Variants in ACYP1 observed in about 807,000 individuals in gnomAD.
The protein encoded by ACYP1 is acylphosphatase 1.
ACYP1 carries 8 observed loss-of-function variants against 10.4 expected under a neutral mutation model. The observed-to-expected ratio is 0.77, with a 90% confidence interval of 0.45 to 1.38. The LOEUF (loss-of-function observed/expected upper bound fraction) is 1.38, where lower values mean the gene tolerates loss of function less well. Among genes scored for constraint, ACYP1 ranks in the 40% most tolerant of loss-of-function variants. ACYP1 has a pLI of 0.00. For missense variants in ACYP1, 93 were observed against 117.3 expected (o/e 0.79, Z 0.96); for synonymous variants, 38 against 40.8 (o/e 0.93, Z 0.26).
At chr14:75,059,176 TAAA>T (rs71119344) in intron 2 of ACYP1, among the ~76,000 whole-genome samples, 4 of 97,346 alleles carry the variant, frequency 4.1e-5, no homozygotes, top group South Asian at 4.1e-4. Context: ...GACTCTGTCT[TAAA>T]AAAAAAAAAA....
chr14:75,060,808 G>GT (rs1892995546), intron 2 of ACYP1, among the ~76,000 whole-genome samples: 1 of 152,198 alleles, frequency 6.6e-6, no homozygotes. Context: ...GCTCATGCGT[G>GT]TAATCCCAGC....
intron 1 of ACYP1, among the ~76,000 whole-genome samples, 166 bp from the exon 2 acceptor site, chr14:75,063,727 T>C (rs1011221455): frequency 1.3e-5 from 2 of 151,988 alleles, no homozygotes; most frequent in African/African-American, 4.8e-5. Context: ...ATAAGGTGTG[T>C]GTGAAGGAAG....
At chr14:75,059,459 T>G (rs2139652554) in intron 2 of ACYP1, among the ~76,000 whole-genome samples, 1 of 152,344 alleles carries the variant, frequency 6.6e-6, no homozygotes, top group Non-Finnish European at 1.5e-5. Flanking sequence ...TTGATTTGAC[T>G]TCATCAAAAG....
upstream of ACYP1, among the ~76,000 whole-genome samples, chr14:75,065,518 T>G (rs1245630334): frequency 6.6e-6 from 1 of 152,194 alleles, no homozygotes; most frequent in African/African-American, 2.4e-5. Context: ...TAAAATTCAT[T>G]TAAAAAATAG....
At chr14:75,066,686 T>C (rs1401522667), upstream of ACYP1, among the ~76,000 whole-genome samples, 1 of 152,172 alleles carries the variant, frequency 6.6e-6, no homozygotes, top group East Asian at 1.9e-4. Context: ...ACCCCATCTC[T>C]ACTAAAAATA....
At chr14:75,066,492 T>A (rs1893144775), upstream of ACYP1, among the ~76,000 whole-genome samples, 1 of 152,036 alleles carries the variant, frequency 6.6e-6, no homozygotes, top group Non-Finnish European at 1.5e-5. Context: ...GGCTATGCCA[T>A]CCCAAGGAGA....
At chr14:75,057,964 C>CAAAAAAAAAAAAAAAAAA (rs769312151) in intron 2 of ACYP1, among the ~76,000 whole-genome samples, 1 of 38,804 alleles carries the variant, frequency 2.6e-5, no homozygotes, top group African/African-American at 1.1e-4. Flanking sequence ...GACTCTGTCT[C>CAAAAAAAAAAAAAAAAAA]AAAAAAAAAA....
At chr14:75,064,397 A>C (rs531567275), upstream of ACYP1, 12 of 152,462 alleles carry the variant, frequency 7.9e-5, no homozygotes, top group East Asian at 2.3e-3. Flanking sequence ...ATCAGTGAAC[A>C]AAACAGGATC....
intron 2 of ACYP1, among the ~76,000 whole-genome samples, chr14:75,062,179 C>A (rs970883612): frequency 6.7e-6 from 1 of 148,602 alleles, no homozygotes; most frequent in Non-Finnish European, 1.5e-5. Flanking sequence ...GCCTGTAATC[C>A]CAGCACACTG....
intron 2 of ACYP1, among the ~76,000 whole-genome samples, chr14:75,060,440 C>G (rs1892988081): frequency 6.6e-6 from 1 of 152,164 alleles, no homozygotes; most frequent in South Asian, 2.1e-4. Flanking sequence ...CCTCAAAAAG[C>G]TAAACATAAA....
At chr14:75,060,329 A>G (rs1304713175) in intron 2 of ACYP1, 2 of 629,944 alleles carry the variant, frequency 3.2e-6, no homozygotes, top group Non-Finnish European at 5.7e-6. Context: ...AACATAAAAG[A>G]CAGTAACCAT....
At chr14:75,059,599 A>G (rs1892969117) in intron 2 of ACYP1, among the ~76,000 whole-genome samples, 1 of 152,236 alleles carries the variant, frequency 6.6e-6, no homozygotes, top group African/African-American at 2.4e-5. Context: ...TTACAACTCA[A>G]GAATAAGGAG....
At chr14:75,064,036 C>A, upstream of ACYP1, 1 of 988,348 alleles carries the variant, frequency 1.0e-6, no homozygotes, top group Middle Eastern at 5.2e-4. Context: ...AACCTCCGCG[C>A]CCGGAAGTTT....
chr14:75,057,532 G>C (rs1892905035), intron 2 of ACYP1, among the ~76,000 whole-genome samples: 1 of 151,520 alleles, frequency 6.6e-6, no homozygotes, highest in African/African-American at 2.4e-5. Context: ...ACCCAGGATA[G>C]CTAGAAATAA....
upstream of ACYP1, chr14:75,064,373 G>A (rs1893107215): frequency 6.6e-6 from 1 of 152,312 alleles, no homozygotes; most frequent in Non-Finnish European, 1.5e-5. Flanking sequence ...CCTGTTCTAG[G>A]TGACCAGGCA....
chr14:75,053,281 G>C lies in ACYP1; in HGVS notation c.*163C>G, dbSNP rs1892783112. ...TTTTTATTGATTAGATTTGTGTACA[G>C]TGGTAATCCTTCCATCATACAGGTA... On this transcript the variant is annotated 3_prime_UTR_variant, in exon 3 of 3. Transcript: ENST00000238618. The C allele has an allele frequency of 3.0e-6, 2 of 657,456 alleles. No individual in the cohort carries two copies. Among genetic ancestry groups the C allele is most frequent in the Non-Finnish European group, 5.2e-6 (2 of 385,268 alleles). The allele number at this position is 657,456 out of a possible 1,614,324, so 40.7% of individuals were successfully genotyped here.
In ACYP1 at chr14:75,055,071, T is replaced by C. The variant is rs193088611; in HGVS notation, c.85-1412A>G. ...CTTTAAAAATTTGCAATGTGATTTA[T>C]CTGAACTCTTTTTTTTTTTTTTTTT... On this transcript the variant is annotated intron_variant, in intron 2 of 2. Coordinates refer to ENST00000238618, the MANE Select transcript of ACYP1 (RefSeq NM_001107.5). Among the ~76,000 whole-genome samples the C allele has an allele frequency of 2.1e-3, 313 of 147,508 alleles. 1 individual carries two copies. The highest frequency in any genetic ancestry group is 2.5e-3 in the Non-Finnish European group (166 of 67,562).
chr14:75,056,828 T>C (rs1272134376), intron 2 of ACYP1, among the ~76,000 whole-genome samples: 1 of 151,548 alleles, frequency 6.6e-6, no homozygotes, highest in Non-Finnish European at 1.5e-5. Flanking sequence ...TCTTTTATGA[T>C]CAAAACACTC....
At position 75,063,975 on chromosome 14, in the gene ACYP1, C is replaced by A. The variant is rs951993294; in HGVS notation, c.-30G>T. On this transcript the variant is annotated 5_prime_UTR_variant, in exon 1 of 3. Coordinates refer to ENST00000238618, the MANE Select transcript of ACYP1 (RefSeq NM_001107.5). ...TCACCCTCCTTGTCTTCCCCACCGG[C>A]TGCCAGGATCACTCCGGGACCACCA... is the stretch of plus-strand genomic sequence containing the variant. 2.0e-6 allele frequency: 2 copies of A among 997,400 alleles called. No homozygotes were observed. The highest frequency in any genetic ancestry group is 2.4e-6 in the Non-Finnish European group (2 of 836,502). The allele number at this position is 997,400 out of a possible 1,614,324, so 61.8% of individuals were successfully genotyped here. A position where few individuals can be genotyped will look rare whatever the true frequency, so the allele number is the denominator to read the frequency against.
Sources: gnomAD v4.1 joint callset for allele counts (sites outside exome capture counted in the v4.1 genomes callset) on GRCh38, gnomAD v4.1.1 for gene constraint, MANE v1.5 for transcripts, NCBI Gene and HGNC (gene_info 2026-07-23, HGNC 2026-07-21) for gene names.